RAI1: variants seen among roughly 807,000 people sequenced by gnomAD.
The protein encoded by RAI1 is retinoic acid-induced protein 1.
RAI1 carries 9 observed loss-of-function variants against 123.8 expected under a neutral mutation model. That is an observed-to-expected ratio of 0.07 (90% confidence interval 0.04 to 0.13). The LOEUF is 0.13. RAI1 is among the 10% of genes least tolerant of loss of function. RAI1 has a pLI of 1.00. For missense variants in RAI1, 2,256 were observed against 2,545.8 expected, an observed-to-expected ratio of 0.89 and a Z score of 2.45; for synonymous variants, 1,231 against 1,127.3, an observed-to-expected ratio of 1.09 and a Z score of -1.84.
rs114695217 is a variant in RAI1, at chr17:17,709,083, G to A, written c.-148-14945G>A. Among the ~76,000 whole-genome samples the A allele has an allele frequency of 4.8e-3, 735 of 152,216 alleles. 7 individuals carry two copies. The highest frequency in any genetic ancestry group is 0.017 in the African/African-American group (686 of 41,542). The stretch of plus-strand genomic sequence containing the variant: ...GGAGAGGAGCCCATTCCAGGCTCCC[G>A]GCCTGGGATTTTTCCCATATGCTCC... On this transcript the variant is annotated intron_variant, in intron 1 of 5. Transcript: ENST00000353383.
intron 2 of RAI1, among the ~76,000 whole-genome samples, chr17:17,732,498 C>T (rs1916304035): frequency 6.6e-6 from 1 of 152,190 alleles, no homozygotes; most frequent in Non-Finnish European, 1.5e-5. Flanking sequence ...GACGTCCTTC[C>T]TTGGGCATCT....
chr17:17,796,822 C>T lies in RAI1; in HGVS notation c.3874C>T (p.Leu1292Phe), dbSNP rs751890220. 2 of 1,610,760 alleles carry T rather than the reference C, an allele frequency of 1.2e-6. No homozygotes were observed. Among genetic ancestry groups the T allele is most frequent in the South Asian group, 2.2e-5 (2 of 91,012 alleles). Reference protein sequence around the residue: ...TKGNGEPATKLPPPETPDACL... With the variant: ...TKGNGEPATKFPPPETPDACL... ...GGGCAATGGCGAGCCTGCCACAAAG[C>T]TCCCACCCCCGGAGACCCCCGATGC... Residue 1292 changes from leucine to phenylalanine, a missense_variant, in exon 3 of 6, where the codon CTC becomes TTC. Coordinates refer to ENST00000353383, the MANE Select transcript of RAI1 (RefSeq NM_030665.4). The surrounding 1 kb of genome is among the most constrained non-coding windows in gnomAD (Gnocchi z 5.8).
At chr17:17,692,468 A>C (rs768254236) in intron 1 of RAI1, among the ~76,000 whole-genome samples, 49 of 152,234 alleles carry the variant, frequency 3.2e-4, no homozygotes, top group Non-Finnish European at 6.8e-4. Context: ...ATTATCAAGG[A>C]AACTGAAGCA....
Position 17,796,202 on chromosome 17 carries a change from G to A in RAI1, c.3254G>A (p.Gly1085Glu), listed in dbSNP as rs756454905. ...TTTPAPPDKLGGKQRAAFKSG... is the reference protein window; with the variant it reads ...TTTPAPPDKLEGKQRAAFKSG... ...ACCCCTGCACCCCCAGACAAACTGGGGGGCAAGCAGCGAGCCGCCTTCAAG... is the reference window on the plus strand; with the variant it reads ...ACCCCTGCACCCCCAGACAAACTGGAGGGCAAGCAGCGAGCCGCCTTCAAG... The change falls in exon 3 of 6, where the codon GGG becomes GAG. Residue 1085 changes from glycine (G) to glutamate (E), a missense_variant. This residue lies in a region of RAI1 where 566 missense variants were observed against 616.0 expected (regional missense o/e 0.92). Coordinates refer to ENST00000353383, the MANE Select transcript of RAI1 (RefSeq NM_030665.4). The surrounding 1 kb of genome is among the most constrained non-coding windows in gnomAD (Gnocchi z 5.8). 4 of 1,554,468 alleles carry A rather than the reference G, an allele frequency of 2.6e-6. No individual in the cohort carries two copies. The Admixed American group carries it at 7.6e-5, about 30-fold the overall frequency.
chr17:17,755,539 C>T (rs1446886817), intron 2 of RAI1, among the ~76,000 whole-genome samples: 3 of 152,170 alleles, frequency 2.0e-5, no homozygotes, highest in Admixed American at 2.0e-4. Context: ...GGGTGGTAGA[C>T]TCAGGAGAGA....
At chr17:17,709,605 T>C (rs982181343) in intron 1 of RAI1, among the ~76,000 whole-genome samples, 13 of 152,294 alleles carry the variant, frequency 8.5e-5, no homozygotes, top group African/African-American at 1.7e-4. Flanking sequence ...TTCCCTTCCC[T>C]GGGTCTGCCC....
At chr17:17,687,912 T>C (rs28374079) in intron 1 of RAI1, among the ~76,000 whole-genome samples, 169 of 150,158 alleles carry the variant, frequency 1.1e-3, no homozygotes, top group African/African-American at 4.0e-3. Flanking sequence ...TGCCTGTAAT[T>C]CCAGCTACTT....
intron 2 of RAI1, among the ~76,000 whole-genome samples, chr17:17,775,258 C>G (rs1284353216): frequency 1.4e-5 from 2 of 143,058 alleles, no homozygotes; most frequent in African/African-American, 5.2e-5. Flanking sequence ...AGTTGGAGTG[C>G]GGTGGCACAA....
At chr17:17,807,924 A>G (rs1300011990) in intron 4 of RAI1, among the ~76,000 whole-genome samples, 1 of 152,200 alleles carries the variant, frequency 6.6e-6, no homozygotes, top group African/African-American at 2.4e-5. Flanking sequence ...TTCTGGAGAC[A>G]AGGGCAGATC....
Position 17,797,795 on chromosome 17 carries a change from C to A in RAI1, c.4847C>A (p.Ser1616Tyr). The A allele has an allele frequency of 6.2e-7, 1 of 1,614,066 alleles. No individual in the cohort carries two copies. The highest frequency in any genetic ancestry group is 1.3e-5 in the African/African-American group (1 of 75,038). Residue 1616 changes from serine (S) to tyrosine (Y), a missense_variant, in exon 3 of 6, where the codon TCC becomes TAC. Physicochemically the swap from Ser to Tyr is moderately radical, Grantham distance 144. Transcript: ENST00000353383. The part of the protein sequence containing the change: ...AFTTICTVVN[S>Y]PGDAPKPHRK... ...ACCACCATATGCACTGTTGTCAACT[C>A]CCCTGGAGATGCGCCCAAGCCCCAC...
intron 3 of RAI1, chr17:17,802,262 A>G (rs1488744335): frequency 2.2e-6 from 1 of 444,488 alleles, no homozygotes; most frequent in African/African-American, 2.0e-5. Flanking sequence ...ATCTCAAGGG[A>G]TTACCACGTC....
intron 2 of RAI1, among the ~76,000 whole-genome samples, chr17:17,737,389 G>C (rs533066944): frequency 6.6e-6 from 1 of 152,224 alleles, no homozygotes; most frequent in African/African-American, 2.4e-5. Flanking sequence ...GGGCTTCTGA[G>C]GAACCTTTCC....
chr17:17,742,181 G>A (rs917471299), intron 2 of RAI1, among the ~76,000 whole-genome samples: 1 of 152,200 alleles, frequency 6.6e-6, no homozygotes, highest in Admixed American at 6.5e-5. Flanking sequence ...GGACGTCAGG[G>A]CCCACAGCAG....
chr17:17,747,514 G>A (rs2029974501), intron 2 of RAI1, among the ~76,000 whole-genome samples: 1 of 152,198 alleles, frequency 6.6e-6, no homozygotes, highest in Non-Finnish European at 1.5e-5. Flanking sequence ...GGCTGTCCTG[G>A]CAGCCCATCC....
intron 1 of RAI1, among the ~76,000 whole-genome samples, chr17:17,708,820 ATCC>A (rs1175306416): frequency 6.6e-6 from 1 of 152,194 alleles, no homozygotes; most frequent in Non-Finnish European, 1.5e-5. Flanking sequence ...TAACTGACCC[ATCC>A]TCCTTTTGTG....
intron 1 of RAI1, among the ~76,000 whole-genome samples, chr17:17,719,330 C>T (rs1303740599): frequency 6.6e-6 from 1 of 152,190 alleles, no homozygotes; most frequent in Non-Finnish European, 1.5e-5. Flanking sequence ...TCTTTCTGCT[C>T]ACTCCCCTCA....
intron 2 of RAI1, among the ~76,000 whole-genome samples, chr17:17,784,975 TC>T: frequency 6.6e-6 from 1 of 152,178 alleles, no homozygotes; most frequent in East Asian, 1.9e-4. Context: ...AAGCCCTTCT[TC>T]CAGCCTTCCC....
At chr17:17,681,998 G>A (rs192023117) in intron 1 of RAI1, among the ~76,000 whole-genome samples, 60 of 151,414 alleles carry the variant, frequency 4.0e-4, no homozygotes, top group African/African-American at 1.4e-3. Context: ...TGGACGTCTG[G>A]GGAGCTGCAG....
At chr17:17,772,333 G>T (rs1017951791) in intron 2 of RAI1, among the ~76,000 whole-genome samples, 1 of 152,060 alleles carries the variant, frequency 6.6e-6, no homozygotes, top group African/African-American at 2.4e-5. Context: ...CCCCATTATT[G>T]CTCTCTGGGG....
Sources: allele counts gnomAD v4.1 joint callset (sites outside exome capture counted in the v4.1 genomes callset), GRCh38; gene constraint gnomAD v4.1.1; regional missense constraint gnomAD v4.1.1; non-coding constraint Gnocchi (gnomAD v3.1); transcripts MANE v1.5; gene names NCBI Gene and HGNC (gene_info 2026-07-23, HGNC 2026-07-21).